The following HNRNPF variants were observed in gnomAD, a reference collection of about 807,000 sequenced individuals.
HNRNPF encodes heterogeneous nuclear ribonucleoprotein F, also known as HnRNP F protein.
HNRNPF carries 2 observed loss-of-function variants against 26.0 expected under a neutral mutation model. That is an observed-to-expected ratio of 0.08 (90% CI 0.03 to 0.24). HNRNPF has a LOEUF of 0.24. Ranked by LOEUF, HNRNPF falls within the 10% of genes least tolerant of loss-of-function variation. The pLI, the probability that HNRNPF is intolerant of heterozygous loss-of-function variation, is 1.00. For missense variants in HNRNPF, 299 were observed against 539.2 expected (o/e 0.55, Z 4.41); for synonymous variants, 234 against 211.5 (o/e 1.11, Z -0.92).
chr10:43,404,295 C>T (rs1387522622), intron 1 of HNRNPF, among the ~76,000 whole-genome samples: 6 of 105,498 alleles, frequency 5.7e-5, no homozygotes, highest in Non-Finnish European at 1.0e-4. Context: ...AGTGAGAATC[C>T]GTCTATAAAA....
intron 1 of HNRNPF, among the ~76,000 whole-genome samples, chr10:43,406,855 A>G (rs1320997619): frequency 6.6e-6 from 1 of 152,124 alleles, no homozygotes; most frequent in Non-Finnish European, 1.5e-5. Context: ...TGTAATACCT[A>G]CAAGGGAAAA....
intron 1 of HNRNPF, among the ~76,000 whole-genome samples, chr10:43,404,137 C>T (rs1258375162): frequency 6.6e-6 from 1 of 151,294 alleles, no homozygotes; most frequent in Non-Finnish European, 1.5e-5. Context: ...CACCCCCTGC[C>T]ACTCCACCAT....
intron 3 of HNRNPF, among the ~76,000 whole-genome samples, chr10:43,388,916 T>C (rs564133787): frequency 1.7e-4 from 26 of 151,704 alleles, no homozygotes; most frequent in African/African-American, 6.0e-4. Flanking sequence ...CGTATTTTTA[T>C]ATGAACACTG....
chr10:43,406,636 G>A (rs1038576681), intron 1 of HNRNPF, among the ~76,000 whole-genome samples: 2 of 149,738 alleles, frequency 1.3e-5, no homozygotes, highest in Non-Finnish European at 3.0e-5. Flanking sequence ...TCTCGGCAGC[G>A]AGCCGAGATC....
chr10:43,405,942 T>C (rs1481412879), intron 1 of HNRNPF, among the ~76,000 whole-genome samples: 1 of 150,994 alleles, frequency 6.6e-6, no homozygotes, highest in African/African-American at 2.4e-5. Flanking sequence ...AGGGGAGGGG[T>C]GTCCCGGTCC....
chr10:43,388,399 T>TA (rs1838115018), intron 3 of HNRNPF, among the ~76,000 whole-genome samples: 1 of 152,210 alleles, frequency 6.6e-6, no homozygotes, highest in South Asian at 2.1e-4. Context: ...AGGCTGTTTT[T>TA]AAACCACAAC....
At chr10:43,405,797 G>C (rs1056538899) in intron 1 of HNRNPF, among the ~76,000 whole-genome samples, 1 of 152,120 alleles carries the variant, frequency 6.6e-6, no homozygotes, top group African/African-American at 2.4e-5. Flanking sequence ...TATTAATAAA[G>C]ACCTTATTGG....
chr10:43,391,704 C>T (rs943591946), intron 3 of HNRNPF, among the ~76,000 whole-genome samples: 4 of 152,084 alleles, frequency 2.6e-5, no homozygotes, highest in Non-Finnish European at 4.4e-5. Context: ...CCCCTTACAG[C>T]GGACATCGTG....
At chr10:43,391,247 C>T (rs1335840289) in intron 3 of HNRNPF, among the ~76,000 whole-genome samples, 4 of 150,826 alleles carry the variant, frequency 2.7e-5, no homozygotes, top group South Asian at 2.1e-4. Context: ...AAGCCAAGAT[C>T]GCACCACTGC....
rs200977453 is a variant in HNRNPF, at chr10:43,395,157, T to C, written c.-111-469A>G. On this transcript the variant is annotated intron_variant, in intron 2 of 3. Transcript: ENST00000682386. Reference sequence around the variant, plus strand: ...GGGGGCAGGGCACTTGGGAGGGAGATGGGTGGGGGAGAAGTGACAACCACA... The same window carrying C: ...GGGGGCAGGGCACTTGGGAGGGAGACGGGTGGGGGAGAAGTGACAACCACA... Among the ~76,000 whole-genome samples, 28 of 151,770 alleles carry C rather than the reference T, an allele frequency of 1.8e-4. No individual in the cohort carries two copies. In the East Asian group the frequency reaches 2.9e-3, roughly 16 times the overall value.
chr10:43,404,153 C>T (rs149315770), intron 1 of HNRNPF, among the ~76,000 whole-genome samples: 13 of 151,448 alleles, frequency 8.6e-5, no homozygotes, highest in African/African-American at 3.1e-4. Context: ...ACCATCTCTA[C>T]TATTAGATGG....
At chr10:43,389,744 G>A (rs915638766) in intron 3 of HNRNPF, among the ~76,000 whole-genome samples, 3 of 152,116 alleles carry the variant, frequency 2.0e-5, no homozygotes, top group Admixed American at 6.6e-5. Flanking sequence ...ATTTACTCAC[G>A]AACTGTGATT....
chr10:43,403,870 C>T (rs894676535), intron 1 of HNRNPF, among the ~76,000 whole-genome samples: 6 of 152,080 alleles, frequency 3.9e-5, no homozygotes, highest in Admixed American at 3.9e-4. Flanking sequence ...TGGCACACAC[C>T]TGTAATCCCA....
At chr10:43,404,282 C>G (rs1022170338) in intron 1 of HNRNPF, among the ~76,000 whole-genome samples, 4 of 132,314 alleles carry the variant, frequency 3.0e-5, no homozygotes, top group Admixed American at 8.7e-5. Context: ...GCCTGGGTGA[C>G]AGAGTGAGAA....
At chr10:43,402,962 C>A (rs778833358) in intron 1 of HNRNPF, among the ~76,000 whole-genome samples, 21 of 152,044 alleles carry the variant, frequency 1.4e-4, no homozygotes, top group Non-Finnish European at 1.9e-4. Context: ...TCACAACTCA[C>A]TGCATCCTCT....
At chr10:43,404,086 C>G (rs930627015) in intron 1 of HNRNPF, among the ~76,000 whole-genome samples, 2 of 151,886 alleles carry the variant, frequency 1.3e-5, no homozygotes, top group African/African-American at 4.8e-5. Context: ...CACTTGAGGT[C>G]AGGAGTTTGA....
At chr10:43,395,154 A>T (rs1838429134) in intron 2 of HNRNPF, among the ~76,000 whole-genome samples, 1 of 151,772 alleles carries the variant, frequency 6.6e-6, no homozygotes, top group Non-Finnish European at 1.5e-5. Flanking sequence ...CTTGGGAGGG[A>T]GATGGGTGGG....
chr10:43,407,215 C>T (rs1004333850), intron 1 of HNRNPF, among the ~76,000 whole-genome samples: 1 of 151,272 alleles, frequency 6.6e-6, no homozygotes, highest in Non-Finnish European at 1.5e-5. Context: ...CCGCCCCGCG[C>T]GGTTCCGGGA....
At chr10:43,395,619 T>C (rs1460597529) in intron 2 of HNRNPF, among the ~76,000 whole-genome samples, 1 of 152,212 alleles carries the variant, frequency 6.6e-6, no homozygotes, top group Non-Finnish European at 1.5e-5. Flanking sequence ...ATTACATTTA[T>C]TAGGAAACCT....
Sources: gnomAD v4.1 joint callset for allele counts (sites outside exome capture counted in the v4.1 genomes callset) on GRCh38, gnomAD v4.1.1 for gene constraint, MANE v1.5 for transcripts, NCBI Gene and HGNC (gene_info 2026-07-23, HGNC 2026-07-21) for gene names.